Variants in MATN2 observed in about 807,000 individuals in gnomAD.
The protein encoded by MATN2 is matrilin 2.
In MATN2, 69 loss-of-function variants were observed where a neutral mutation model predicts 103.2. The observed-to-expected ratio is 0.67, with a 90% confidence interval of 0.55 to 0.82. The LOEUF (loss-of-function observed/expected upper bound fraction) is 0.82. MATN2 is among the 40% of genes least tolerant of loss of function. The pLI, the probability that MATN2 is intolerant of heterozygous loss-of-function variation, is 0.00. For missense variants in MATN2, 1,023 were observed against 1,211.5 expected, an observed-to-expected ratio of 0.84 and a Z score of 2.31; for synonymous variants, 429 against 450.2, an observed-to-expected ratio of 0.95 and a Z score of 0.60.
intron 2 of MATN2, among the ~76,000 whole-genome samples, chr8:97,918,196 C>T (rs548323662): frequency 2.0e-5 from 3 of 152,308 alleles, no homozygotes; most frequent in South Asian, 2.1e-4. Context: ...TCTGGTTAAA[C>T]GTAGATTGTG....
intron 4 of MATN2, among the ~76,000 whole-genome samples, chr8:97,953,199 C>T (rs974326354): frequency 4.6e-5 from 7 of 152,000 alleles, no homozygotes; most frequent in Non-Finnish European, 7.4e-5. Flanking sequence ...CCCATCGTGC[C>T]GGCCCATGTT....
At chr8:97,970,682 T>G (rs1811626467) in intron 5 of MATN2, among the ~76,000 whole-genome samples, 1 of 152,130 alleles carries the variant, frequency 6.6e-6, no homozygotes, top group Non-Finnish European at 1.5e-5. Context: ...ATGTGGTGGC[T>G]TATGCATGTA....
intron 1 of MATN2, among the ~76,000 whole-genome samples, chr8:97,886,166 C>T (rs757434839): frequency 3.3e-5 from 5 of 152,110 alleles, no homozygotes; most frequent in East Asian, 3.8e-4. Flanking sequence ...CACTGTCTCC[C>T]GTCACTCCCA....
chr8:97,945,717 A>ATATATATATATATATAT (rs1554605715), intron 4 of MATN2, among the ~76,000 whole-genome samples: 37 of 121,804 alleles, frequency 3.0e-4, no homozygotes, highest in African/African-American at 1.2e-3. Context: ...AAAAAAAAAA[A>ATATATATATATATATAT]ATATATATAT....
intron 2 of MATN2, among the ~76,000 whole-genome samples, chr8:97,905,593 A>T (rs1408930829): frequency 6.6e-6 from 1 of 152,056 alleles, no homozygotes; most frequent in African/African-American, 2.4e-5. Flanking sequence ...GCTACATTTT[A>T]CTCCATTCAC....
intron 7 of MATN2, among the ~76,000 whole-genome samples, chr8:97,998,966 C>T (rs533019681): frequency 6.6e-6 from 1 of 152,332 alleles, no homozygotes; most frequent in East Asian, 1.9e-4. Flanking sequence ...TCACCCCAAA[C>T]TGAGACTCTA....
At chr8:97,926,374 G>A (rs573762212) in intron 2 of MATN2, among the ~76,000 whole-genome samples, 2 of 152,328 alleles carry the variant, frequency 1.3e-5, no homozygotes, top group African/African-American at 2.4e-5. Context: ...TCTCTCAACA[G>A]TTCCCATGTG....
intron 1 of MATN2, chr8:97,887,769 A>G (rs1447260782): frequency 5.5e-6 from 1 of 183,444 alleles, no homozygotes; most frequent in African/African-American, 2.3e-5. Flanking sequence ...TGTGACTATG[A>G]GTAATTGATA....
chr8:97,893,430 G>T (rs1818700363), intron 2 of MATN2, among the ~76,000 whole-genome samples: 1 of 152,112 alleles, frequency 6.6e-6, no homozygotes, highest in Non-Finnish European at 1.5e-5. Context: ...CGCCTGCTTC[G>T]TTTGTGCACA....
intron 2 of MATN2, among the ~76,000 whole-genome samples, chr8:97,928,182 C>T (rs1267198032): frequency 6.6e-6 from 1 of 150,724 alleles, no homozygotes; most frequent in African/African-American, 2.5e-5. Context: ...TGCTAAACCA[C>T]AGGAGCCTTC....
chr8:97,920,109 A>G (rs1296679660), intron 2 of MATN2, among the ~76,000 whole-genome samples: 1 of 152,202 alleles, frequency 6.6e-6, no homozygotes, highest in Non-Finnish European at 1.5e-5. Flanking sequence ...GAACATCAGC[A>G]ACCTTGCCAT....
intron 5 of MATN2, among the ~76,000 whole-genome samples, chr8:97,963,603 G>T (rs1403581439): frequency 1.3e-5 from 2 of 152,182 alleles, no homozygotes; most frequent in East Asian, 3.9e-4. Context: ...CATTGCCAGA[G>T]AGCTTTGGCG....
chr8:97,931,495 A>T lies in MATN2; in HGVS notation c.685A>T (p.Thr229Ser), dbSNP rs764227996. ...VANFSQIETL[T>S]SVFQKKLCTA... is the part of the protein sequence containing the mutation. ...CAATTTCAGCCAGATTGAGACGCTG[A>T]CCTCCGTGTTCCAGAAGAAGTTGTG... Residue 229 changes from threonine (T) to serine (S), a missense_variant, in exon 3 of 19, where the codon ACC becomes TCC. Physicochemically the swap from Thr to Ser is moderately conservative, Grantham distance 58 (BLOSUM62 1). Coordinates refer to ENST00000254898, the MANE Select transcript of MATN2 (RefSeq NM_002380.5). This position sits in a 1 kb window ranked among gnomAD's most constrained non-coding sequence, Gnocchi z 4.1. 1.2e-6 allele frequency: 2 copies of T among 1,610,424 alleles called. No individual in the cohort carries two copies. The highest frequency in any genetic ancestry group is 1.7e-6 in the Non-Finnish European group (2 of 1,178,412).
At chr8:97,949,171 A>ATTT (rs71271175) in intron 4 of MATN2, among the ~76,000 whole-genome samples, 11,799 of 140,444 alleles carry the variant, frequency 0.084, 779 homozygotes, top group South Asian at 0.17. Flanking sequence ...ACTAGAATGG[A>ATTT]TTTTTTTTTT....
chr8:97,971,058 C>A (rs529286711), intron 5 of MATN2, among the ~76,000 whole-genome samples: 1 of 152,140 alleles, frequency 6.6e-6, no homozygotes, highest in African/African-American at 2.4e-5. Context: ...TTGGTCAACA[C>A]GCAGCAGGTG....
chr8:97,923,928 T>C (rs1809900819), intron 2 of MATN2, among the ~76,000 whole-genome samples: 1 of 152,180 alleles, frequency 6.6e-6, no homozygotes, highest in Admixed American at 6.5e-5. Context: ...ATAATTTCAG[T>C]TTAAACCTCC....
chr8:97,946,530 T>C (rs983440528), intron 4 of MATN2, among the ~76,000 whole-genome samples: 3 of 152,226 alleles, frequency 2.0e-5, no homozygotes, highest in Non-Finnish European at 4.4e-5. Context: ...CCTCATGAAG[T>C]GTGCCCGTCT....
At chr8:97,897,414 C>T (rs763694248) in intron 2 of MATN2, among the ~76,000 whole-genome samples, 4 of 152,210 alleles carry the variant, frequency 2.6e-5, no homozygotes, top group African/African-American at 4.8e-5. Flanking sequence ...AAGCTGCTAG[C>T]ATTGTCCAGC....
At chr8:97,943,964 C>G (rs1448270786) in intron 4 of MATN2, among the ~76,000 whole-genome samples, 9 of 152,236 alleles carry the variant, frequency 5.9e-5, no homozygotes, top group Admixed American at 5.9e-4. Flanking sequence ...TGCCAGACCC[C>G]TGCCTGGTCC....
Sources: allele counts gnomAD v4.1 joint callset (sites outside exome capture counted in the v4.1 genomes callset), GRCh38; gene constraint gnomAD v4.1.1; non-coding constraint Gnocchi (gnomAD v3.1); transcripts MANE v1.5; gene names NCBI Gene and HGNC (gene_info 2026-07-23, HGNC 2026-07-21).